Variants in PARPBP observed in about 807,000 individuals in gnomAD.
PARPBP encodes the protein PARP1 binding protein, also known as PCNA-interacting partner.
Under a neutral mutation model 50.0 loss-of-function variants are expected in PARPBP, and 52 were observed. That is an observed-to-expected ratio of 1.04 (90% CI 0.83 to 1.31). PARPBP has a LOEUF of 1.31. PARPBP is among the 50% of genes most tolerant of loss of function. The pLI is 0.00. For missense variants in PARPBP, 697 were observed against 672.0 expected, an observed-to-expected ratio of 1.04 and a Z score of -0.41; for synonymous variants, 244 against 232.1, an observed-to-expected ratio of 1.05 and a Z score of -0.47.
intron 2 of PARPBP, among the ~76,000 whole-genome samples, chr12:102,147,666 G>A (rs914174893): frequency 2.6e-5 from 4 of 151,962 alleles, no homozygotes; most frequent in Admixed American, 1.3e-4. Context: ...GTATACATAT[G>A]TAACTAACCT....
At chr12:102,128,380 C>T (rs568461029) in intron 2 of PARPBP, among the ~76,000 whole-genome samples, 5 of 152,226 alleles carry the variant, frequency 3.3e-5, no homozygotes, top group East Asian at 3.9e-4. Context: ...TGCAGGCACC[C>T]GCCACCACAC....
intron 4 of PARPBP, chr12:102,154,960 A>G (rs977838124): frequency 5.6e-6 from 2 of 360,078 alleles, no homozygotes; most frequent in South Asian, 2.2e-5. Flanking sequence ...TCACAATCCC[A>G]TATCTTAAAC....
chr12:102,125,606 A>G (rs563427181), intron 2 of PARPBP, among the ~76,000 whole-genome samples: 24 of 151,930 alleles, frequency 1.6e-4, no homozygotes, highest in Admixed American at 5.2e-4. Context: ...ATAAATGTTA[A>G]TCTCCTTCCC....
intron 7 of PARPBP, among the ~76,000 whole-genome samples, chr12:102,177,660 A>G (rs1161818324): frequency 6.6e-6 from 1 of 152,156 alleles, no homozygotes; most frequent in Non-Finnish European, 1.5e-5. Context: ...AGATTTGATA[A>G]CATTCGTATC....
chr12:102,122,107 C>T (rs1275983661), intron 1 of PARPBP, among the ~76,000 whole-genome samples: 2 of 152,174 alleles, frequency 1.3e-5, no homozygotes, highest in Admixed American at 6.5e-5. Flanking sequence ...AGTCTTCATT[C>T]ATAGCAATCA....
At chr12:102,158,820 A>G (rs1411483263) in intron 4 of PARPBP, among the ~76,000 whole-genome samples, 2 of 152,082 alleles carry the variant, frequency 1.3e-5, no homozygotes, top group African/African-American at 4.8e-5. Flanking sequence ...GAATGAACCA[A>G]TTTGTATATG....
intron 6 of PARPBP, 40 bp downstream of exon 6, chr12:102,165,923 A>G (rs755348540): frequency 4.6e-6 from 6 of 1,314,654 alleles, no homozygotes; most frequent in South Asian, 2.6e-5. Flanking sequence ...TTTTTAATCT[A>G]TCTTTAAAAC....
chr12:102,145,445 G>T (rs1885214591), intron 2 of PARPBP, among the ~76,000 whole-genome samples: 1 of 152,056 alleles, frequency 6.6e-6, no homozygotes, highest in Non-Finnish European at 1.5e-5. Flanking sequence ...TTTAATTTTT[G>T]CTGAATTAGG....
intron 7 of PARPBP, among the ~76,000 whole-genome samples, chr12:102,177,542 TTCAGCTTTC>T (rs1479467853): frequency 6.6e-6 from 1 of 152,154 alleles, no homozygotes; most frequent in East Asian, 1.9e-4. Context: ...TGAAGTTTTT[TTCAGCTTTC>T]CCTTTTTAAT....
chr12:102,162,563 G>A (rs1471749652), intron 4 of PARPBP, among the ~76,000 whole-genome samples: 1 of 152,226 alleles, frequency 6.6e-6, no homozygotes, highest in Non-Finnish European at 1.5e-5. Flanking sequence ...GCTCACACCT[G>A]TATTCCCAGC....
chr12:102,163,046 A>C (rs1273474228), intron 4 of PARPBP, among the ~76,000 whole-genome samples: 1 of 152,178 alleles, frequency 6.6e-6, no homozygotes, highest in Non-Finnish European at 1.5e-5. Context: ...GTGAAGTTTA[A>C]GTTGAAGTTC....
intron 9 of PARPBP, among the ~76,000 whole-genome samples, chr12:102,186,079 C>G (rs1310265855): frequency 6.6e-6 from 1 of 152,000 alleles, no homozygotes; most frequent in Non-Finnish European, 1.5e-5. Flanking sequence ...TCTATTTTTT[C>G]TAGGTTTTCC....
At chr12:102,188,405 G>T (rs142362352) in intron 9 of PARPBP, among the ~76,000 whole-genome samples, 3 of 152,006 alleles carry the variant, frequency 2.0e-5, no homozygotes, top group Non-Finnish European at 4.4e-5. Context: ...TACAAGGCTC[G>T]CAGTTGAAAG....
chr12:102,182,921 AAAG>A (rs1267609585), intron 9 of PARPBP, among the ~76,000 whole-genome samples: 3 of 152,346 alleles, frequency 2.0e-5, no homozygotes, highest in Admixed American at 2.0e-4. Context: ...GTGGAAAATA[AAAG>A]AAGATAAGGC....
rs550769373 is a variant in PARPBP, at chr12:102,121,196, G to A, written c.-4+910G>A. On this transcript the variant is annotated intron_variant, in intron 1 of 10. Coordinates refer to ENST00000327680, the MANE Select transcript of PARPBP (RefSeq NM_017915.5). ...GCCAGCTAGCTACAGGAAGAGCTGG[G>A]ACTAGACCAGGGGTTGGCAAACTGG... Among the ~76,000 whole-genome samples the A allele has an allele frequency of 1.3e-3, 196 of 152,298 alleles. No individual in the cohort carries two copies. The South Asian group carries it at 0.039, about 30-fold the overall frequency.
At chr12:102,127,313 A>G in intron 2 of PARPBP, among the ~76,000 whole-genome samples, 1 of 151,868 alleles carries the variant, frequency 6.6e-6, no homozygotes, top group Non-Finnish European at 1.5e-5. Flanking sequence ...AGATCACTTG[A>G]GTCTGGGAGG....
In PARPBP at chr12:102,164,536, T is replaced by G. The variant is rs1887931628; in HGVS notation, c.594T>G (p.Asp198Glu). 1.9e-6 allele frequency: 3 copies of G among 1,612,732 alleles called. No individual in the cohort carries two copies. Among genetic ancestry groups the G allele is most frequent in the Non-Finnish European group, 2.5e-6 (3 of 1,178,796 alleles). ...TGGCTTATATTCTCAATATTCCTGA[T>G]AGAGGACTAGGAAGAGAAGCCTTCA... ...LAVAYILNIP[D>E]RGLGREAFTD... The change falls in exon 5 of 11, where the codon GAT becomes GAG. Residue 198 changes from aspartate (D) to glutamate (E), a missense_variant. Coordinates refer to ENST00000327680, the MANE Select transcript of PARPBP (RefSeq NM_017915.5).
At chr12:102,130,927 A>G (rs1259645076) in intron 2 of PARPBP, among the ~76,000 whole-genome samples, 2 of 152,320 alleles carry the variant, frequency 1.3e-5, no homozygotes, top group East Asian at 1.9e-4. Context: ...GAAGACATAC[A>G]TGTGGCCAAC....
intron 2 of PARPBP, among the ~76,000 whole-genome samples, chr12:102,137,071 C>T (rs1324245460): frequency 6.6e-6 from 1 of 152,140 alleles, no homozygotes; most frequent in Non-Finnish European, 1.5e-5. Context: ...TCTCTTGCCT[C>T]AGCCTCCTGA....
Sources: allele counts gnomAD v4.1 joint callset (sites outside exome capture counted in the v4.1 genomes callset), GRCh38; gene constraint gnomAD v4.1.1; transcripts MANE v1.5; gene names NCBI Gene and HGNC (gene_info 2026-07-23, HGNC 2026-07-21).